The following SRGAP1 variants were observed in gnomAD, a reference collection of about 807,000 sequenced individuals.
SRGAP1 encodes SLIT-ROBO Rho GTPase activating protein 1, also known as SLIT-ROBO Rho GTPase-activating protein 1.
In SRGAP1, 43 loss-of-function variants were observed where a neutral mutation model predicts 121.9. The ratio of observed to expected loss-of-function variants is 0.35; its 90% CI spans 0.28 to 0.46. The LOEUF (loss-of-function observed/expected upper bound fraction) is 0.46, where lower values mean the gene tolerates loss of function less well. Ranked by LOEUF, SRGAP1 falls within the 20% of genes least tolerant of loss-of-function variation. SRGAP1 has a pLI of 1.00. For missense variants in SRGAP1, 1,102 were observed against 1,350.9 expected (o/e 0.82, Z 2.89); for synonymous variants, 447 against 485.4 (o/e 0.92, Z 1.04).
chr12:63,973,742 A>C (rs1679209406), intron 1 of SRGAP1, among the ~76,000 whole-genome samples: 1 of 152,204 alleles, frequency 6.6e-6, no homozygotes, highest in Non-Finnish European at 1.5e-5. Context: ...CTAGTTTAAA[A>C]GTTTTTCATT....
At chr12:64,091,681 G>A (rs1162214383) in intron 12 of SRGAP1, among the ~76,000 whole-genome samples, 2 of 152,120 alleles carry the variant, frequency 1.3e-5, no homozygotes, top group South Asian at 2.1e-4. Flanking sequence ...TAAAAATGTT[G>A]TATTTTTACT....
In SRGAP1 at chr12:63,970,530, AGT is replaced by A. The variant is rs2032915532; in HGVS notation, c.68-13414_68-13413del. On this transcript the variant is annotated intron_variant, in intron 1 of 21. Transcript: ENST00000355086. ...ATATTTAATGATATATTTTTAAAGA[AGT>A]GTAACTTTTCAAAGTAGTTTGCAAG... 2.0e-5 allele frequency among the ~76,000 whole-genome samples: 3 copies of A among 152,230 alleles called. No individual in the cohort carries two copies. In the South Asian group the frequency reaches 6.2e-4, roughly 31 times the overall value.
chr12:64,014,740 T>G (rs1252078817), intron 3 of SRGAP1, among the ~76,000 whole-genome samples: 1 of 149,720 alleles, frequency 6.7e-6, no homozygotes, highest in Non-Finnish European at 1.5e-5. Flanking sequence ...GGGTTAACGT[T>G]TCTTGAACAT....
intron 3 of SRGAP1, among the ~76,000 whole-genome samples, chr12:64,000,270 G>GTGTGTT (rs1345365766): frequency 1.3e-5 from 2 of 149,178 alleles, no homozygotes; most frequent in African/African-American, 5.0e-5. Flanking sequence ...GTGTGTGTGT[G>GTGTGTT]TGTGTAAAAA....
At chr12:64,096,000 C>G (rs1016987208) in intron 14 of SRGAP1, among the ~76,000 whole-genome samples, 1 of 152,176 alleles carries the variant, frequency 6.6e-6, no homozygotes, top group African/African-American at 2.4e-5. Context: ...TCAAGTCGCT[C>G]AATTCCTATT....
intron 1 of SRGAP1, among the ~76,000 whole-genome samples, chr12:63,860,828 CT>C (rs56144118): frequency 9.1e-4 from 132 of 145,438 alleles, no homozygotes; most frequent in Non-Finnish European, 9.9e-4. Context: ...TTCTTGCCCT[CT>C]TTTTTTTTTT....
At chr12:64,068,272 C>CAAAAA (rs765189176) in intron 8 of SRGAP1, among the ~76,000 whole-genome samples, 2 of 57,312 alleles carry the variant, frequency 3.5e-5, no homozygotes, top group African/African-American at 1.4e-4. Flanking sequence ...AACTCTGTCT[C>CAAAAA]AAAAAAAAAA....
At chr12:63,902,894 C>T (rs1462771606) in intron 1 of SRGAP1, among the ~76,000 whole-genome samples, 1 of 152,150 alleles carries the variant, frequency 6.6e-6, no homozygotes, top group East Asian at 1.9e-4. Context: ...GTCATTCCAT[C>T]ATATCTTTTG....
At chr12:64,081,997 A>G (rs2035852304) in intron 10 of SRGAP1, 1 of 28,474 alleles carries the variant, frequency 3.5e-5, no homozygotes. Context: ...GTGTCATGTA[A>G]GGTCTTTTTT....
chr12:63,899,266 C>T lies in SRGAP1; in HGVS notation c.67+54383C>T, dbSNP rs573384474. On this transcript the variant is annotated intron_variant, in intron 1 of 21. Coordinates refer to ENST00000355086, the MANE Select transcript of SRGAP1 (RefSeq NM_020762.4). The stretch of plus-strand genomic sequence containing the variant: ...GTGTGGTGGCATACACCTGTGGTCC[C>T]GGCTACTCCAAAGGCAGAGGTAGGA... Among the ~76,000 whole-genome samples the T allele has an allele frequency of 6.6e-5, 10 of 151,846 alleles. No individual in the cohort carries two copies. The East Asian group carries it at 7.7e-4, about 12-fold the overall frequency.
intron 3 of SRGAP1, among the ~76,000 whole-genome samples, chr12:64,010,572 G>A (rs187948333): frequency 6.6e-6 from 1 of 152,260 alleles, no homozygotes; most frequent in Admixed American, 6.5e-5. Context: ...TCATTCAGCA[G>A]ATGTAGCTCC....
intron 1 of SRGAP1, among the ~76,000 whole-genome samples, chr12:63,935,078 A>G (rs1305948992): frequency 6.6e-6 from 1 of 152,222 alleles, no homozygotes; most frequent in Non-Finnish European, 1.5e-5. Flanking sequence ...GCCTGTGAAC[A>G]TCGGGAGAGG....
At chr12:63,997,460 A>G (rs1022404347) in intron 3 of SRGAP1, among the ~76,000 whole-genome samples, 5 of 152,146 alleles carry the variant, frequency 3.3e-5, no homozygotes, top group African/African-American at 1.2e-4. Flanking sequence ...AATTACATTG[A>G]GATAAGTGGT....
Position 64,082,452 on chromosome 12 carries a change from CT to C in SRGAP1, c.1408+2097del, listed in dbSNP as rs371020186. On this transcript the variant is annotated intron_variant, in intron 10 of 21. Transcript: ENST00000355086. ...TTTGTGAACTGCAAGCCAGAATTTT[CT>C]TTTTTTTTTTTTTTGAAATGGAGTT... is the stretch of plus-strand genomic sequence containing the variant. Among the ~76,000 whole-genome samples, 429 of 139,176 alleles carry C rather than the reference CT, an allele frequency of 3.1e-3. 1 individual carries two copies. The highest frequency in any genetic ancestry group is 2.1e-3 in the Non-Finnish European group (135 of 63,350). The allele number at this position is 139,176 out of a possible 152,430, so 91.3% of individuals were successfully genotyped here. A position where few individuals can be genotyped will look rare whatever the true frequency, so the allele number is the denominator to read the frequency against.
At chr12:64,032,177 C>G (rs780987958) in intron 4 of SRGAP1, among the ~76,000 whole-genome samples, 3 of 152,148 alleles carry the variant, frequency 2.0e-5, no homozygotes, top group Non-Finnish European at 2.9e-5. Context: ...AGAACTCTCC[C>G]TGGGACAGTG....
intron 1 of SRGAP1, among the ~76,000 whole-genome samples, chr12:63,872,231 A>G (rs1426007798): frequency 6.6e-6 from 1 of 152,214 alleles, no homozygotes; most frequent in Non-Finnish European, 1.5e-5. Context: ...AATTGATTTA[A>G]CAATAGTTAT....
At chr12:64,011,588 A>G (rs145168284) in intron 3 of SRGAP1, among the ~76,000 whole-genome samples, 1 of 152,310 alleles carries the variant, frequency 6.6e-6, no homozygotes, top group Non-Finnish European at 1.5e-5. Flanking sequence ...TGCTTAAAAC[A>G]TATTGGTGAA....
rs1899051047 is a variant in SRGAP1 at position 63,850,787 on chromosome 12, CAAAAT to C, written c.67+5908_67+5912del. On this transcript the variant is annotated intron_variant, in intron 1 of 21. Transcript: ENST00000355086. ...TTTTCACTTCAATTCAAACAACTAA[CAAAAT>C]AAAGAAAAGGGAATAAATTGTTTGT... Among the ~76,000 whole-genome samples, 7 of 152,032 alleles carry C rather than the reference CAAAAT, an allele frequency of 4.6e-5. No homozygotes were observed. The South Asian group carries it at 1.5e-3, about 32-fold the overall frequency.
intron 1 of SRGAP1, among the ~76,000 whole-genome samples, chr12:63,885,975 G>A (rs1444653099): frequency 1.3e-5 from 2 of 152,204 alleles, no homozygotes; most frequent in Non-Finnish European, 2.9e-5. Flanking sequence ...ACTGATCATG[G>A]ATAATATGTT....
Sources: allele counts gnomAD v4.1 joint callset (sites outside exome capture counted in the v4.1 genomes callset), GRCh38; gene constraint gnomAD v4.1.1; transcripts MANE v1.5; gene names NCBI Gene and HGNC (gene_info 2026-07-23, HGNC 2026-07-21).